The following DTHD1 variants were observed in gnomAD, a reference collection of about 807,000 sequenced individuals.
The protein encoded by DTHD1 is death domain-containing protein 1.
DTHD1 carries 59 observed loss-of-function variants against 74.8 expected under a neutral mutation model. The ratio of observed to expected loss-of-function variants is 0.79; its 90% confidence interval spans 0.64 to 0.98. The LOEUF is 0.98. Among genes scored for constraint, DTHD1 ranks in the 50% least tolerant of loss-of-function variants. DTHD1 has a pLI of 0.00. For synonymous variants in DTHD1, 365 were observed against 371.1 expected (o/e 0.98, Z 0.19); for missense variants, 1,051 against 1,065.4 (o/e 0.99, Z 0.19).
Position 36,314,966 on chromosome 4 carries a change from C to A in DTHD1, c.2096-1276C>A, listed in dbSNP as rs1457278812. On this transcript the variant is annotated intron_variant, in intron 7 of 9. Coordinates refer to ENST00000639862, the MANE Select transcript of DTHD1 (RefSeq NM_001170700.3). ...AAGGGTAAGGAAGCTAAGGGAAGCTCAGGCTCTAAGAAGCTCAGAGATATG... is the reference window on the plus strand; with the variant it reads ...AAGGGTAAGGAAGCTAAGGGAAGCTAAGGCTCTAAGAAGCTCAGAGATATG... Among the ~76,000 whole-genome samples, 4 of 152,194 alleles carry A rather than the reference C, an allele frequency of 2.6e-5. No individual in the cohort carries two copies. The East Asian group carries it at 7.7e-4, about 29-fold the overall frequency.
chr4:36,294,673 C>A, intron 4 of DTHD1, 122 bp from the exon 5 acceptor site: 1 of 872,664 alleles, frequency 1.1e-6, no homozygotes, highest in Non-Finnish European at 1.6e-6. Flanking sequence ...TTACAACTAA[C>A]AATACATAGA....
chr4:36,316,961 T>C (rs966370067), intron 8 of DTHD1, among the ~76,000 whole-genome samples: 5 of 152,252 alleles, frequency 3.3e-5, no homozygotes, highest in African/African-American at 1.2e-4. Context: ...GATTAAATTA[T>C]TTCTTTGAAC....
rs1165007847 is a variant in DTHD1, at chr4:36,343,537, G to C, written c.2434G>C (p.Glu812Gln). ...GGATAACTTGCTCCATTGGCTGGCT[G>C]AGGAGCTCTCAGAAGAAAATGCTGA... Reference protein sequence around the residue: ...LWDNLLHWLAEELSEENAESL... With the variant: ...LWDNLLHWLAQELSEENAESL... The change falls in exon 10 of 10, where the codon GAG (glutamate) becomes CAG (glutamine). Residue 812 changes from glutamate (E) to glutamine (Q), a missense_variant. By Grantham distance (29) the Glu-to-Gln change is conservative (BLOSUM62 2). Transcript: ENST00000639862. 8.4e-6 allele frequency: 13 copies of C among 1,551,376 alleles called. No homozygotes were observed. The highest frequency in any genetic ancestry group is 1.0e-5 in the Non-Finnish European group (12 of 1,146,848).
At position 36,344,607 on chromosome 4, in the gene DTHD1, G is replaced by T. The variant is rs1759497582; in HGVS notation, c.*783G>T. 1 of 152,214 alleles carries T rather than the reference G, an allele frequency of 6.6e-6. No homozygotes were observed. The highest frequency in any genetic ancestry group is 2.4e-5 in the African/African-American group (1 of 41,454). The allele number at this position is 152,214 out of a possible 1,614,324, so 9.4% of individuals were successfully genotyped here. A position where few individuals can be genotyped will look rare whatever the true frequency, so the allele number is the denominator to read the frequency against. On this transcript the variant is annotated 3_prime_UTR_variant, in exon 10 of 10. Transcript: ENST00000639862. ...TAGCAGACTTTAGAGGGAATAGATT[G>T]TAAATATTTCTGATCAGTCCTAAGG...
chr4:36,344,089 T>C lies in DTHD1; in HGVS notation c.*265T>C, dbSNP rs1179340366. 1.5e-5 allele frequency: 6 copies of C among 395,692 alleles called. No individual in the cohort carries two copies. The highest frequency in any genetic ancestry group is 2.7e-5 in the Non-Finnish European group (6 of 218,650). 24.5% of individuals were successfully genotyped at this position (395,692 alleles called of 1,614,324 possible). On this transcript the variant is annotated 3_prime_UTR_variant, in exon 10 of 10. Coordinates refer to ENST00000639862, the MANE Select transcript of DTHD1 (RefSeq NM_001170700.3). ...TGGCCTCACTTAATAGCATTTGCAA[T>C]TGAGTTTGACTTGTTCACATTTTAA...
intron 2 of DTHD1, among the ~76,000 whole-genome samples, chr4:36,290,108 C>T (rs1431698924): frequency 6.6e-6 from 1 of 152,040 alleles, no homozygotes; most frequent in African/African-American, 2.4e-5. Context: ...TATGGTGTAC[C>T]AGACATAGCT....
chr4:36,286,644 G>C (rs143372125), intron 2 of DTHD1, among the ~76,000 whole-genome samples: 13 of 152,320 alleles, frequency 8.5e-5, no homozygotes, highest in African/African-American at 2.9e-4. Flanking sequence ...GGATGGTTGG[G>C]TGATTTTGTC....
intron 5 of DTHD1, among the ~76,000 whole-genome samples, chr4:36,300,414 C>T (rs981039952): frequency 6.6e-6 from 1 of 152,156 alleles, no homozygotes; most frequent in African/African-American, 2.4e-5. Context: ...TTTGATACTC[C>T]TGCATCTACA....
At chr4:36,305,910 C>T (rs1757020822) in intron 5 of DTHD1, among the ~76,000 whole-genome samples, 1 of 152,150 alleles carries the variant, frequency 6.6e-6, no homozygotes, top group Non-Finnish European at 1.5e-5. Context: ...GCAAGCTTCC[C>T]GAACCTCTTG....
At chr4:36,299,557 C>T (rs1318227296) in intron 5 of DTHD1, among the ~76,000 whole-genome samples, 1 of 152,110 alleles carries the variant, frequency 6.6e-6, no homozygotes, top group Non-Finnish European at 1.5e-5. Flanking sequence ...GGATGTATGC[C>T]TTTTCACATT....
Position 36,284,206 on chromosome 4 carries a change from G to C in DTHD1, c.502G>C (p.Glu168Gln), listed in dbSNP as rs748785345. 4 of 1,537,128 alleles carry C rather than the reference G, an allele frequency of 2.6e-6. No individual in the cohort carries two copies. In the South Asian group the frequency reaches 4.8e-5, roughly 18 times the overall value. ...TACTGTTTCTCCCACAAATGGAGAG[G>C]AAAGTCATTACACAAACCAGGTCCA... ...TATVSPTNGE[E>Q]SHYTNQVQLE... Residue 168 changes from glutamate (E) to glutamine (Q), a missense_variant, in exon 2 of 10, where the codon GAA (glutamate) becomes CAA (glutamine). Physicochemically the swap from Glu to Gln is conservative, Grantham distance 29 (BLOSUM62 2). Transcript: ENST00000639862.
In DTHD1 at chr4:36,308,401, G is replaced by A. The variant is rs201839505; in HGVS notation, c.2003G>A (p.Gly668Glu). The A allele has an allele frequency of 6.4e-7, 1 of 1,551,830 alleles. No homozygotes were observed. The highest frequency in any genetic ancestry group is 2.0e-5 in the Admixed American group (1 of 51,002). Residue 668 changes from glycine to glutamate, a missense_variant, in exon 7 of 10, where the codon GGG (glycine) becomes GAG (glutamate). Transcript: ENST00000639862. ...SQVLKDLHLE[G>E]FGGPPEPSRH... ...GTGCTTAAGGACCTGCACTTGGAAG[G>A]GTTTGGAGGACCTCCAGAGCCATCT... is the stretch of plus-strand genomic sequence containing the variant.
chr4:36,282,084 A>G (rs1755434725), intron 1 of DTHD1, 55 bp downstream of exon 1: 6 of 1,428,034 alleles, frequency 4.2e-6, no homozygotes, highest in Non-Finnish European at 4.7e-6. Context: ...GATTAGGGCA[A>G]GATCTGAGAG....
At chr4:36,315,520 T>C (rs1032985908) in intron 7 of DTHD1, 12 of 152,242 alleles carry the variant, frequency 7.9e-5, no homozygotes, top group African/African-American at 2.9e-4. Flanking sequence ...TATTTACTGT[T>C]CATTAATTTT....
intron 8 of DTHD1, among the ~76,000 whole-genome samples, chr4:36,318,506 A>T (rs1757858564): frequency 6.6e-6 from 1 of 152,102 alleles, no homozygotes; most frequent in African/African-American, 2.4e-5. Context: ...TAAGTAGAGG[A>T]ATTTATTAAG....
intron 7 of DTHD1, among the ~76,000 whole-genome samples, chr4:36,310,258 C>T (rs1757317992): frequency 6.6e-6 from 1 of 151,622 alleles, no homozygotes; most frequent in African/African-American, 2.4e-5. Context: ...GGAGAGATTA[C>T]AGAAGTGAAG....
At position 36,346,555 on chromosome 4, in the gene DTHD1, A is replaced by G. The variant is rs553258400; in HGVS notation, c.*2731A>G. Among the ~76,000 whole-genome samples the G allele has an allele frequency of 1.3e-5, 2 of 152,104 alleles. No homozygotes were observed. Among genetic ancestry groups the G allele is most frequent in the Non-Finnish European group, 2.9e-5 (2 of 68,010 alleles). On this transcript the variant is annotated 3_prime_UTR_variant, in exon 10 of 10. Transcript: ENST00000639862. ...ATCCAGGAAATCAATCCCATGTGTA[A>G]TCTGTGCCACTTGGATTGAGACCTG...
intron 8 of DTHD1, among the ~76,000 whole-genome samples, chr4:36,334,357 GGTTT>G (rs1361822205): frequency 9.7e-5 from 8 of 82,444 alleles, no homozygotes; most frequent in African/African-American, 3.8e-4. Flanking sequence ...TATTTTTTTT[GGTTT>G]TTTTTTTTTT....
intron 9 of DTHD1, among the ~76,000 whole-genome samples, chr4:36,343,083 C>CAACA (rs149943081): frequency 0.011 from 1,660 of 150,586 alleles, 19 homozygotes; most frequent in African/African-American, 0.036. Flanking sequence ...GAGCGAGACT[C>CAACA]AACAAACAAA....
Sources: allele counts gnomAD v4.1 joint callset (sites outside exome capture counted in the v4.1 genomes callset), GRCh38; gene constraint gnomAD v4.1.1; transcripts MANE v1.5; gene names NCBI Gene and HGNC (gene_info 2026-07-23, HGNC 2026-07-21).